Variants in ATP2C1 observed in about 807,000 individuals in gnomAD.
The protein encoded by ATP2C1 is ATPase secretory pathway Ca2+ transporting 1.
A neutral mutation model predicts 120.5 loss-of-function variants in ATP2C1; 31 were observed. The observed-to-expected ratio is 0.26, with a 90% CI of 0.19 to 0.35. ATP2C1 has a LOEUF of 0.35. Among genes scored for constraint, ATP2C1 ranks in the 10% least tolerant of loss-of-function variants. The pLI, the probability that ATP2C1 is intolerant of heterozygous loss-of-function variation, is 1.00. For synonymous variants in ATP2C1, 351 were observed against 358.7 expected, an observed-to-expected ratio of 0.98 and a Z score of 0.24; for missense variants, 731 against 1,107.5, an observed-to-expected ratio of 0.66 and a Z score of 4.83.
rs570596909 is a variant in ATP2C1 at position 130,997,410 on chromosome 3, A to G, written c.2244-196A>G. On this transcript the variant is annotated intron_variant, in intron 24 of 27. Coordinates refer to ENST00000510168, the MANE Select transcript of ATP2C1 (RefSeq NM_001378687.1). ...ATCTATCCCCTATCAAATTGTGCCA[A>G]ACAAATAAAGAGGAGAGAAAAAGTG... 5.3e-5 allele frequency among the ~76,000 whole-genome samples: 8 copies of G among 152,268 alleles called. No homozygotes were observed. The South Asian group carries it at 1.5e-3, about 28-fold the overall frequency.
chr3:130,975,097 T>C (rs1249353349), intron 17 of ATP2C1, among the ~76,000 whole-genome samples: 2 of 152,164 alleles, frequency 1.3e-5, no homozygotes, highest in Admixed American at 6.6e-5. Flanking sequence ...AATTTGGGGC[T>C]TAGTATAGCA....
Position 130,964,022 on chromosome 3 carries a change from G to T in ATP2C1, c.951G>T (p.Thr317=), listed in dbSNP as rs147959633. Residue 317 remains threonine (T), a synonymous_variant, in exon 13 of 28, where the codon ACG becomes ACT. Coordinates refer to ENST00000510168, the MANE Select transcript of ATP2C1 (RefSeq NM_001378687.1). ...GTCTCCCCATTGTGGTCACAGTGACGCTAGCTCTTGGTGTTATGAGAATGG... is the reference window on the plus strand; with the variant it reads ...GTCTCCCCATTGTGGTCACAGTGACTCTAGCTCTTGGTGTTATGAGAATGG... ...PEGLPIVVTV[T]LALGVMRMVK... is the part of the protein sequence containing the mutation. The T allele has an allele frequency of 6.2e-7, 1 of 1,612,750 alleles. No individual in the cohort carries two copies.
exon 27 of ATP2C1, chr3:131,016,367 T>C (rs773036120): frequency 2.5e-6 from 4 of 1,613,456 alleles, no homozygotes; most frequent in Middle Eastern, 1.7e-4. Flanking sequence ...CCAAGGGCAG[T>C]ATTTCTAAAA....
chr3:131,001,104 G>GAAAAA lies in ATP2C1; in HGVS notation c.2630-97_2630-93dup, dbSNP rs11403338. 580 of 339,706 alleles carry GAAAAA rather than the reference G, an allele frequency of 1.7e-3. 2 individuals are homozygous for GAAAAA. The highest frequency in any genetic ancestry group is 3.2e-3 in the Middle Eastern group (3 of 932). 21.0% of individuals were successfully genotyped at this position (339,706 alleles called of 1,614,324 possible). A position where few individuals can be genotyped will look rare whatever the true frequency, so the allele number is the denominator to read the frequency against. ...GGTGACAGAGCAAGACTTCATCTCA[G>GAAAAA]AAAAAAAAAAAAAAAAAAAAAAAGT... is the stretch of plus-strand genomic sequence containing the variant. On this transcript the variant is annotated intron_variant, in intron 27 of 27. Transcript: ENST00000510168.
intron 2 of ATP2C1, among the ~76,000 whole-genome samples, chr3:130,926,443 A>G (rs915762347): frequency 1.3e-5 from 2 of 152,246 alleles, no homozygotes; most frequent in Non-Finnish European, 2.9e-5. Flanking sequence ...AGGTGATACT[A>G]AAACATTAAA....
At chr3:130,983,429 GACTGCAT>G (rs2061860358) in intron 20 of ATP2C1, among the ~76,000 whole-genome samples, 1 of 152,130 alleles carries the variant, frequency 6.6e-6, no homozygotes, top group Admixed American at 6.5e-5. Flanking sequence ...CATATTAATA[GACTGCAT>G]TACTGTAGTA....
At chr3:130,941,264 G>C (rs1428057846) in intron 7 of ATP2C1, among the ~76,000 whole-genome samples, 1 of 143,760 alleles carries the variant, frequency 7.0e-6, no homozygotes, top group African/African-American at 2.6e-5. Flanking sequence ...GTGTGTGTGT[G>C]TCTGTGTGTG....
Position 130,975,466 on chromosome 3 carries a change from C to T in ATP2C1, c.1548C>T (p.Arg516=), listed in dbSNP as rs2061496807. Residue 516 remains arginine (R), a synonymous_variant, in exon 18 of 28, where the codon CGC becomes CGT. Transcript: ENST00000510168. ...ATGTGTACCAACAAGAGAAGGCACG[C>T]ATGGGCTCAGCGGGACTCAGAGGTA... ...QRDVYQQEKA[R]MGSAGLRVLA... 6.2e-7 allele frequency: 1 copy of T among 1,613,672 alleles called. No individual in the cohort carries two copies. The highest frequency in any genetic ancestry group is 1.3e-5 in the African/African-American group (1 of 74,910).
At chr3:130,976,022 G>T (rs1485498751) in intron 18 of ATP2C1, among the ~76,000 whole-genome samples, 1 of 152,096 alleles carries the variant, frequency 6.6e-6, no homozygotes, top group Non-Finnish European at 1.5e-5. Context: ...GGGATGTCAT[G>T]TGTAAGACTC....
Position 130,894,696 on chromosome 3 carries a change from C to T in ATP2C1, c.-74C>T, listed in dbSNP as rs1253571753. 2.5e-6 allele frequency: 4 copies of T among 1,613,922 alleles called. No homozygotes were observed. Among genetic ancestry groups the T allele is most frequent in the African/African-American group, 1.3e-5 (1 of 74,916 alleles). Reference sequence around the variant, plus strand: ...CTCTTCCTTGTCCTCCTCCTCTCCTCTCTATTCCCAGTGTGGCCGTGGCTG... The same window carrying T: ...CTCTTCCTTGTCCTCCTCCTCTCCTTTCTATTCCCAGTGTGGCCGTGGCTG... On this transcript the variant is annotated 5_prime_UTR_variant, in exon 2 of 28. Transcript: ENST00000510168. This position sits in a 1 kb window ranked among gnomAD's most constrained non-coding sequence, Gnocchi z 4.5.
At chr3:130,928,781 A>G (rs2059327217) in intron 2 of ATP2C1, among the ~76,000 whole-genome samples, 1 of 152,158 alleles carries the variant, frequency 6.6e-6, no homozygotes, top group African/African-American at 2.4e-5. Flanking sequence ...GAAATAAGAG[A>G]TTTTATTGAT....
At chr3:130,860,171 T>A (rs758064948) in intron 1 of ATP2C1, among the ~76,000 whole-genome samples, 51 of 152,258 alleles carry the variant, frequency 3.3e-4, no homozygotes, top group Non-Finnish European at 6.6e-4. Context: ...GTAGCTTTTT[T>A]AAAGATTCCT....
chr3:130,999,485 G>A (rs1464130027), intron 26 of ATP2C1, 33 bp from the exon 27 acceptor site: 3 of 1,611,108 alleles, frequency 1.9e-6, no homozygotes, highest in Non-Finnish European at 2.5e-6. Context: ...TGTGACCAAG[G>A]AGTAATAAAT....
chr3:130,893,121 C>G (rs1420667490), upstream of ATP2C1, among the ~76,000 whole-genome samples: 1 of 152,162 alleles, frequency 6.6e-6, no homozygotes, highest in Non-Finnish European at 1.5e-5. Flanking sequence ...CATTATATGT[C>G]TGGCTCACCA....
chr3:130,991,400 G>T (rs1431494492), intron 20 of ATP2C1, among the ~76,000 whole-genome samples: 1 of 152,148 alleles, frequency 6.6e-6, no homozygotes, highest in East Asian at 1.9e-4. Flanking sequence ...TATGATCATG[G>T]GATGGATTCA....
intron 16 of ATP2C1, among the ~76,000 whole-genome samples, chr3:130,968,840 G>T (rs113453108): frequency 6.6e-6 from 1 of 152,166 alleles, no homozygotes; most frequent in African/African-American, 2.4e-5. Context: ...ATGACTGGTA[G>T]TATTCAGGAT....
chr3:130,921,343 A>C (rs760628439), intron 2 of ATP2C1, among the ~76,000 whole-genome samples: 12 of 152,126 alleles, frequency 7.9e-5, no homozygotes, highest in Non-Finnish European at 1.6e-4. Context: ...CGGCTTCCCA[A>C]AGTGCTGGGA....
chr3:130,930,389 TA>T, intron 2 of ATP2C1, 26 bp from the exon 3 acceptor site: 1 of 1,407,352 alleles, frequency 7.1e-7, no homozygotes, highest in South Asian at 1.2e-5. Context: ...TATATTCAAA[TA>T]TTTTTTCTTT....
chr3:130,863,227 C>T (rs1329261612), intron 1 of ATP2C1, among the ~76,000 whole-genome samples: 1 of 152,074 alleles, frequency 6.6e-6, no homozygotes, highest in Non-Finnish European at 1.5e-5. Context: ...ATGTTCTATT[C>T]AGTATATTTT....
Sources: allele counts gnomAD v4.1 joint callset (sites outside exome capture counted in the v4.1 genomes callset), GRCh38; gene constraint gnomAD v4.1.1; non-coding constraint Gnocchi (gnomAD v3.1); transcripts MANE v1.5; gene names NCBI Gene and HGNC (gene_info 2026-07-23, HGNC 2026-07-21).